The following TAGLN variants were observed in gnomAD, a reference collection of about 807,000 sequenced individuals.
TAGLN encodes the protein transgelin.
A neutral mutation model predicts 21.9 loss-of-function variants in TAGLN; 16 were observed. The observed-to-expected ratio is 0.73, with a 90% CI of 0.49 to 1.11. The LOEUF is 1.11. Ranked by LOEUF, TAGLN falls within the 50% of genes least tolerant of loss-of-function variation. The pLI, the probability that TAGLN is intolerant of heterozygous loss-of-function variation, is 0.00. For synonymous variants in TAGLN, 96 were observed against 94.9 expected, an observed-to-expected ratio of 1.01 and a Z score of -0.06; for missense variants, 248 against 263.2, an observed-to-expected ratio of 0.94 and a Z score of 0.40.
rs1474216907 is a variant in TAGLN at position 117,203,383 on chromosome 11, T to C, written c.257T>C (p.Met86Thr). 6 of 1,613,994 alleles carry C rather than the reference T, an allele frequency of 3.7e-6. No individual in the cohort carries two copies. Among genetic ancestry groups the C allele is most frequent in the Non-Finnish European group, 5.1e-6 (6 of 1,180,024 alleles). ...PVKVPENPPS[M>T]VFKQMEQVAQ... ...AAGGTGCCCGAGAACCCACCCTCCA[T>C]GGTCTTCAAGCAGATGGAGCAGGTG... is the stretch of plus-strand genomic sequence containing the variant. Residue 86 changes from methionine (M) to threonine (T), a missense_variant, in exon 3 of 5, where the codon ATG becomes ACG. Transcript: ENST00000392951. The surrounding 1 kb of genome is among the most constrained non-coding windows in gnomAD (Gnocchi z 4.4).
chr11:117,201,083 CG>C, intron 1 of TAGLN: 1 of 151,436 alleles, frequency 6.6e-6, no homozygotes, highest in South Asian at 2.1e-4. Context: ...GGTTGGGGAG[CG>C]GGGGTGGGAC....
Position 117,203,889 on chromosome 11 carries a change from G to A in TAGLN, c.461+5G>A, listed in dbSNP as rs2031214284. ...AGATCCCAACTGGTTTATGAAGTAT[G>A]TGGCCCCCAGGGAGCTTGGGTCTCC... On this transcript the variant is annotated splice_donor_5th_base_variant and intron_variant, in intron 4 of 4. Transcript: ENST00000392951. This position sits in a 1 kb window ranked among gnomAD's most constrained non-coding sequence, Gnocchi z 4.4. 1 of 1,612,858 alleles carries A rather than the reference G, an allele frequency of 6.2e-7. No homozygotes were observed. Among genetic ancestry groups the A allele is most frequent in the Non-Finnish European group, 8.5e-7 (1 of 1,178,942 alleles).
intron 1 of TAGLN, among the ~76,000 whole-genome samples, chr11:117,200,508 C>T (rs575399016): frequency 6.6e-5 from 10 of 152,276 alleles, no homozygotes; most frequent in South Asian, 2.1e-4. Context: ...CTGGGGGGGC[C>T]GCCCTGTAAT....
At chr11:117,199,834 G>A (rs1037841687) in intron 1 of TAGLN, 1 of 26,090 alleles carries the variant, frequency 3.8e-5, no homozygotes, top group African/African-American at 6.8e-5. Flanking sequence ...AAGGAGGTGA[G>A]GAGTGTGTGA....
rs1227252841 is a variant in TAGLN, at chr11:117,205,558, A to T, written c.*1199A>T. On this transcript the variant is annotated 3_prime_UTR_variant, in exon 5 of 5. Transcript: ENST00000392951. The stretch of plus-strand genomic sequence containing the variant: ...AGCCGCTTTCAGGACAGGCATGTCC[A>T]GGGGCTCCTCCCAGCCTCTACCCCG... The T allele has an allele frequency of 4.2e-6, 1 of 237,410 alleles. No individual in the cohort carries two copies. Among genetic ancestry groups the T allele is most frequent in the Non-Finnish European group, 8.3e-6 (1 of 120,970 alleles). 14.7% of individuals were successfully genotyped at this position (237,410 alleles called of 1,614,324 possible). A position where few individuals can be genotyped will look rare whatever the true frequency, so the allele number is the denominator to read the frequency against.
rs925259956 is a variant in TAGLN at position 117,205,625 on chromosome 11, A to G, written c.*1266A>G. 1 of 250,442 alleles carries G rather than the reference A, an allele frequency of 4.0e-6. No homozygotes were observed. The highest frequency in any genetic ancestry group is 5.9e-5 in the East Asian group (1 of 16,962). The allele number at this position is 250,442 out of a possible 1,614,324, so 15.5% of individuals were successfully genotyped here. A position where few individuals can be genotyped will look rare whatever the true frequency, so the allele number is the denominator to read the frequency against. ...TGACCCCAGTGATGTTTCCATTGAG[A>G]TGCGCTCCTGGCTATGGCAGGCACC... is the stretch of plus-strand genomic sequence containing the variant. On this transcript the variant is annotated 3_prime_UTR_variant, in exon 5 of 5. Coordinates refer to ENST00000392951, the MANE Select transcript of TAGLN (RefSeq NM_003186.5).
In TAGLN at chr11:117,203,204, C is replaced by A. The variant is rs2031171750; in HGVS notation, c.180+11C>A. 2 of 1,590,364 alleles carry A rather than the reference C, an allele frequency of 1.3e-6. No homozygotes were observed. The highest frequency in any genetic ancestry group is 1.3e-5 in the African/African-American group (1 of 74,448). On this transcript the variant is annotated intron_variant, in intron 2 of 4. Transcript: ENST00000392951. The surrounding 1 kb of genome is among the most constrained non-coding windows in gnomAD (Gnocchi z 4.4). Reference sequence around the variant, plus strand: ...CTGAAGAATGGCGTGGTGAGTGGCACCCTGGGCTAGGGCGCTGGGGGGCTG... The same window carrying A: ...CTGAAGAATGGCGTGGTGAGTGGCAACCTGGGCTAGGGCGCTGGGGGGCTG...
Position 117,204,308 on chromosome 11 carries a change from CT to C in TAGLN, c.556del (p.Ser186ProfsTer5). 1.2e-6 allele frequency: 2 copies of C among 1,614,256 alleles called. No homozygotes were observed. Among genetic ancestry groups the C allele is most frequent in the Non-Finnish European group, 8.5e-7 (1 of 1,180,048 alleles). ...TTCAGATGGGCAGCAACAGAGGGGCCTCCCAGGCCGGCATGACAGGCTACGG... is the reference window on the plus strand; with the variant it reads ...TTCAGATGGGCAGCAACAGAGGGGCCCCCAGGCCGGCATGACAGGCTACGG... ...GLQMGSNRGA[S>X]QAGMTGYGRP... is the part of the protein sequence containing the mutation. On this transcript the variant is annotated frameshift_variant, in exon 5 of 5. Coordinates refer to ENST00000392951, the MANE Select transcript of TAGLN (RefSeq NM_003186.5). LOFTEE classifies it high-confidence loss of function.
Position 117,203,222 on chromosome 11 carries a change from G to A in TAGLN, c.180+29G>A. ...AGTGGCACCCTGGGCTAGGGCGCTG[G>A]GGGGCTGGGGTGTGCCACCCTGTGA... On this transcript the variant is annotated intron_variant, in intron 2 of 4. Transcript: ENST00000392951. The surrounding 1 kb of genome is among the most constrained non-coding windows in gnomAD (Gnocchi z 4.4). 3.8e-6 allele frequency: 6 copies of A among 1,593,404 alleles called. No individual in the cohort carries two copies. The highest frequency in any genetic ancestry group is 5.1e-6 in the Non-Finnish European group (6 of 1,166,260).
Position 117,205,909 on chromosome 11 carries a change from T to G in TAGLN, c.*1550T>G, listed in dbSNP as rs958102191. 13 of 570,036 alleles carry G rather than the reference T, an allele frequency of 2.3e-5. No individual in the cohort carries two copies. Among genetic ancestry groups the G allele is most frequent in the Non-Finnish European group, 3.8e-5 (12 of 317,012 alleles). 35.3% of individuals were successfully genotyped at this position (570,036 alleles called of 1,614,324 possible). ...AGTGGAGTCAGAGGATGCCTCAGAT[T>G]CCAGATGTAAGCATCAGAACTGCTT... On this transcript the variant is annotated 3_prime_UTR_variant, in exon 5 of 5. Coordinates refer to ENST00000392951, the MANE Select transcript of TAGLN (RefSeq NM_003186.5).
At position 117,203,903 on chromosome 11, in the gene TAGLN, G is replaced by A. The variant is rs2031215349; in HGVS notation, c.461+19G>A. ...TTATGAAGTATGTGGCCCCCAGGGA[G>A]CTTGGGTCTCCGCATGGGGTGGGAG... On this transcript the variant is annotated intron_variant, in intron 4 of 4. Transcript: ENST00000392951. This position sits in a 1 kb window ranked among gnomAD's most constrained non-coding sequence, Gnocchi z 4.4. The A allele has an allele frequency of 3.1e-6, 5 of 1,604,304 alleles. No homozygotes were observed. The highest frequency in any genetic ancestry group is 4.3e-6 in the Non-Finnish European group (5 of 1,171,176).
At chr11:117,202,697 C>G in intron 1 of TAGLN, 1 of 201,324 alleles carries the variant, frequency 5.0e-6, no homozygotes, top group Non-Finnish European at 1.0e-5. Flanking sequence ...TGGCTGCTTT[C>G]ACACTGCAAC....
intron 1 of TAGLN, among the ~76,000 whole-genome samples, chr11:117,200,905 T>C (rs139492377): frequency 0.014 from 2,166 of 151,180 alleles, 52 homozygotes; most frequent in African/African-American, 0.049. Context: ...GGAGTGGGGG[T>C]AGAAGCAGGG....
Position 117,203,753 on chromosome 11 carries a change from T to TTCA in TAGLN, c.359-26_359-24dup. 1 of 1,602,088 alleles carries TTCA rather than the reference T, an allele frequency of 6.2e-7. No individual in the cohort carries two copies. Among genetic ancestry groups the TTCA allele is most frequent in the Non-Finnish European group, 8.5e-7 (1 of 1,169,842 alleles). ...GAGTCTTGTTTATACGTTCTTGATG[T>TTCA]TCATCTCCTCTCTCCTGTCTTCTCA... On this transcript the variant is annotated intron_variant, in intron 3 of 4. Coordinates refer to ENST00000392951, the MANE Select transcript of TAGLN (RefSeq NM_003186.5). The surrounding 1 kb of genome is among the most constrained non-coding windows in gnomAD (Gnocchi z 4.4).
At position 117,203,624 on chromosome 11, in the gene TAGLN, G is replaced by A. The variant is rs538574197; in HGVS notation, c.358+140G>A. ...GGATGGGATATGCCGAGAATAACAC[G>A]CCACGCTCACAGGGCCCACTGAGAG... On this transcript the variant is annotated intron_variant, in intron 3 of 4. Coordinates refer to ENST00000392951, the MANE Select transcript of TAGLN (RefSeq NM_003186.5). This position sits in a 1 kb window ranked among gnomAD's most constrained non-coding sequence, Gnocchi z 4.4. The A allele has an allele frequency of 1.7e-4, 208 of 1,257,136 alleles. No individual in the cohort carries two copies. The highest frequency in any genetic ancestry group is 1.6e-3 in the African/African-American group (105 of 67,452). The allele number at this position is 1,257,136 out of a possible 1,614,324, so 77.9% of individuals were successfully genotyped here.
chr11:117,204,149 G>A (rs992806417), intron 4 of TAGLN, 66 bp from the exon 5 acceptor site: 42 of 1,605,226 alleles, frequency 2.6e-5, no homozygotes, highest in African/African-American at 2.1e-4. Flanking sequence ...CGTAACAGAG[G>A]GATCAGAAAA....
chr11:117,204,016 T>C (rs2031221155), intron 4 of TAGLN, 132 bp downstream of exon 4: 6 of 1,046,776 alleles, frequency 5.7e-6, no homozygotes, highest in Non-Finnish European at 8.5e-6. Context: ...TGGGGAATAA[T>C]GGGTCCTTAA....
In TAGLN at chr11:117,205,745, G is replaced by A. The variant is rs1434522003; in HGVS notation, c.*1386G>A. On this transcript the variant is annotated 3_prime_UTR_variant, in exon 5 of 5. Transcript: ENST00000392951. Reference sequence around the variant, plus strand: ...AGATGAGGATGGAGGCCAAACCAAAGGGGGGCGCCAATCCCCTGTCCAACA... The same window carrying A: ...AGATGAGGATGGAGGCCAAACCAAAAGGGGGCGCCAATCCCCTGTCCAACA... 4.1e-5 allele frequency: 16 copies of A among 389,952 alleles called. No homozygotes were observed. Among genetic ancestry groups the A allele is most frequent in the Non-Finnish European group, 7.3e-5 (16 of 219,392 alleles). 24.2% of individuals were successfully genotyped at this position (389,952 alleles called of 1,614,324 possible).
chr11:117,203,690 C>A lies in TAGLN; in HGVS notation c.359-92C>A. The A allele has an allele frequency of 7.0e-7, 1 of 1,431,174 alleles. No individual in the cohort carries two copies. Among genetic ancestry groups the A allele is most frequent in the Non-Finnish European group, 9.7e-7 (1 of 1,032,908 alleles). 88.7% of individuals were successfully genotyped at this position (1,431,174 alleles called of 1,614,324 possible). A position where few individuals can be genotyped will look rare whatever the true frequency, so the allele number is the denominator to read the frequency against. On this transcript the variant is annotated intron_variant, in intron 3 of 4. Transcript: ENST00000392951. The surrounding 1 kb of genome is among the most constrained non-coding windows in gnomAD (Gnocchi z 4.4). ...GGGACAACTCTTGGCCCTGGTTTGG[C>A]CATTTTTTTGTGAGAGACGGGGGCA...
Sources: gnomAD v4.1 joint callset for allele counts (sites outside exome capture counted in the v4.1 genomes callset) on GRCh38, gnomAD v4.1.1 for gene constraint, Gnocchi (gnomAD v3.1) non-coding constraint, MANE v1.5 for transcripts, NCBI Gene and HGNC (gene_info 2026-07-23, HGNC 2026-07-21) for gene names.